ITGA8: variants seen among roughly 807,000 people sequenced by gnomAD.
The protein encoded by ITGA8 is integrin subunit alpha 8, also known as integrin alpha-8.
In ITGA8, 91 loss-of-function variants were observed where a neutral mutation model predicts 142.3. That is an observed-to-expected ratio of 0.64 (90% CI 0.54 to 0.76). The LOEUF is 0.76. Ranked by LOEUF, ITGA8 falls within the 30% of genes least tolerant of loss-of-function variation. The probability of loss-of-function intolerance (pLI) is 0.00; values close to 1 mark genes in which losing one functional copy is unlikely to be tolerated. For missense variants in ITGA8, 1,406 were observed against 1,327.7 expected (o/e 1.06, Z -0.92); for synonymous variants, 505 against 485.2 (o/e 1.04, Z -0.54).
intron 22 of ITGA8, among the ~76,000 whole-genome samples, chr10:15,590,615 C>A (rs945442088): frequency 3.9e-5 from 6 of 152,022 alleles, no homozygotes; most frequent in Middle Eastern, 3.2e-3. Flanking sequence ...TGGTCCTTTG[C>A]CATGACGTGT....
In ITGA8 at chr10:15,572,240, T is replaced by A; in HGVS notation, c.2608A>T (p.Asn870Tyr). Reference sequence around the variant, plus strand: ...ATATCCTGTGGATTGATATTAGGATTTGGTTGGCACTGCAGAGGTCCCAGA... The same window carrying A: ...ATATCCTGTGGATTGATATTAGGATATGGTTGGCACTGCAGAGGTCCCAGA... ...QTLGPLQCQP[N>Y]PNINPQDIKP... Residue 870 changes from asparagine to tyrosine, a missense_variant, in exon 25 of 30, where the codon AAT becomes TAT. By Grantham distance (143) the Asn-to-Tyr change is moderately radical. Coordinates refer to ENST00000378076, the MANE Select transcript of ITGA8 (RefSeq NM_003638.3). The A allele has an allele frequency of 6.2e-7, 1 of 1,613,930 alleles. No homozygotes were observed. Among genetic ancestry groups the A allele is most frequent in the Non-Finnish European group, 8.5e-7 (1 of 1,179,862 alleles).
intron 4 of ITGA8, among the ~76,000 whole-genome samples, chr10:15,683,302 C>CACCCATCCACCCATCA (rs1834774476): frequency 7.6e-5 from 1 of 13,172 alleles, no homozygotes. Context: ...TCCACCCATC[C>CACCCATCCACCCATCA]ACCCACCCAC....
chr10:15,717,924 C>T (rs908944267), intron 2 of ITGA8, among the ~76,000 whole-genome samples: 1 of 152,196 alleles, frequency 6.6e-6, no homozygotes, highest in Non-Finnish European at 1.5e-5. Context: ...TTGTGTGGTA[C>T]ACAAGGTATT....
At chr10:15,596,545 G>T (rs1241600373) in intron 21 of ITGA8, 1 of 152,070 alleles carries the variant, frequency 6.6e-6, no homozygotes, top group African/African-American at 2.4e-5. Context: ...ATTTATTTTT[G>T]CCCCAAGAAG....
chr10:15,517,000 C>T lies in ITGA8; in HGVS notation c.*158G>A, dbSNP rs1832973872. ...TCACTGGGCACCCAGGACAATTTCTCCAAAGTGCGGTGTAGATGAGGTGAT... is the reference window on the plus strand; with the variant it reads ...TCACTGGGCACCCAGGACAATTTCTTCAAAGTGCGGTGTAGATGAGGTGAT... On this transcript the variant is annotated 3_prime_UTR_variant, in exon 30 of 30. Coordinates refer to ENST00000378076, the MANE Select transcript of ITGA8 (RefSeq NM_003638.3). The T allele has an allele frequency of 4.0e-6, 2 of 497,698 alleles. No individual in the cohort carries two copies. Among genetic ancestry groups the T allele is most frequent in the South Asian group, 5.4e-5 (2 of 37,228 alleles). The allele number at this position is 497,698 out of a possible 1,614,324, so 30.8% of individuals were successfully genotyped here. A position where few individuals can be genotyped will look rare whatever the true frequency, so the allele number is the denominator to read the frequency against.
intron 28 of ITGA8, among the ~76,000 whole-genome samples, chr10:15,529,316 G>A (rs1365887803): frequency 6.6e-6 from 1 of 152,166 alleles, no homozygotes; most frequent in East Asian, 1.9e-4. Context: ...CTTGTTCCAG[G>A]TACAATGCTA....
At position 15,659,745 on chromosome 10, in the gene ITGA8, T is replaced by C. The variant is rs145566958; in HGVS notation, c.892-690A>G. Among the ~76,000 whole-genome samples, 895 of 152,290 alleles carry C rather than the reference T, an allele frequency of 5.9e-3. 12 individuals carry two copies. Among genetic ancestry groups the C allele is most frequent in the African/African-American group, 0.02 (843 of 41,562 alleles). ...CTCTAAATCCAATGACTGATGTCCT[T>C]ATCAAAAGAGGAGAAGACACATGTA... On this transcript the variant is annotated intron_variant, in intron 9 of 29. Transcript: ENST00000378076.
At chr10:15,602,626 T>C (rs1833124062) in intron 20 of ITGA8, among the ~76,000 whole-genome samples, 1 of 152,012 alleles carries the variant, frequency 6.6e-6, no homozygotes, top group Non-Finnish European at 1.5e-5. Context: ...TAGTCCTAGC[T>C]ACTCAGGAGG....
At chr10:15,660,253 C>A (rs1834259558) in intron 9 of ITGA8, among the ~76,000 whole-genome samples, 2 of 152,052 alleles carry the variant, frequency 1.3e-5, no homozygotes, top group East Asian at 3.8e-4. Context: ...TGGGTCTCAC[C>A]CTTGGTTTAA....
intron 20 of ITGA8, among the ~76,000 whole-genome samples, chr10:15,602,243 C>G (rs1024538534): frequency 6.6e-6 from 1 of 152,082 alleles, no homozygotes; most frequent in Non-Finnish European, 1.5e-5. Context: ...TTTGTTTATG[C>G]GTTATCTGCA....
intron 27 of ITGA8, among the ~76,000 whole-genome samples, chr10:15,543,160 T>A (rs1833604611): frequency 1.3e-5 from 2 of 152,200 alleles, no homozygotes; most frequent in African/African-American, 2.4e-5. Context: ...ATAGGGAATT[T>A]GAGCCCCATG....
intron 13 of ITGA8, among the ~76,000 whole-genome samples, chr10:15,640,962 G>A (rs973819301): frequency 6.6e-6 from 1 of 152,220 alleles, no homozygotes; most frequent in African/African-American, 2.4e-5. Flanking sequence ...AGCAGATGAT[G>A]GGTGTGAGCC....
At chr10:15,644,778 A>G (rs983471969) in intron 12 of ITGA8, among the ~76,000 whole-genome samples, 3 of 151,668 alleles carry the variant, frequency 2.0e-5, no homozygotes, top group African/African-American at 7.3e-5. Flanking sequence ...GTTGCCTTTT[A>G]TCCATCCAAC....
At chr10:15,669,516 A>T (rs999993225) in intron 8 of ITGA8, among the ~76,000 whole-genome samples, 2 of 151,966 alleles carry the variant, frequency 1.3e-5, no homozygotes, top group African/African-American at 4.8e-5. Context: ...TCTTCTCTCA[A>T]CTCATCAAAG....
At chr10:15,660,227 G>A (rs1183679919) in intron 9 of ITGA8, among the ~76,000 whole-genome samples, 1 of 152,160 alleles carries the variant, frequency 6.6e-6, no homozygotes, top group Non-Finnish European at 1.5e-5. Context: ...CAGTCACACA[G>A]GACCCTGTGC....
intron 25 of ITGA8, among the ~76,000 whole-genome samples, chr10:15,567,575 T>C (rs1834101753): frequency 6.6e-6 from 1 of 152,186 alleles, no homozygotes; most frequent in African/African-American, 2.4e-5. Flanking sequence ...CTTATGCCCC[T>C]AAACTTACAG....
intron 27 of ITGA8, among the ~76,000 whole-genome samples, chr10:15,547,863 T>C (rs1833707558): frequency 6.6e-6 from 1 of 152,190 alleles, no homozygotes; most frequent in South Asian, 2.1e-4. Flanking sequence ...CACTGACTAA[T>C]AGTTACTGTG....
At chr10:15,704,286 C>T (rs1239248072) in intron 2 of ITGA8, among the ~76,000 whole-genome samples, 1 of 152,214 alleles carries the variant, frequency 6.6e-6, no homozygotes, top group Non-Finnish European at 1.5e-5. Flanking sequence ...AATCCATTCT[C>T]TATCCTGAAG....
At chr10:15,535,132 G>A (rs1011292993) in intron 27 of ITGA8, among the ~76,000 whole-genome samples, 1 of 152,182 alleles carries the variant, frequency 6.6e-6, no homozygotes, top group African/African-American at 2.4e-5. Context: ...GCCCACCGGT[G>A]CTGTGCTGGA....
Sources: allele counts gnomAD v4.1 joint callset (sites outside exome capture counted in the v4.1 genomes callset), GRCh38; gene constraint gnomAD v4.1.1; transcripts MANE v1.5; gene names NCBI Gene and HGNC (gene_info 2026-07-23, HGNC 2026-07-21).